Variants in KIF13B observed in about 807,000 individuals in gnomAD.
KIF13B encodes kinesin family member 13B.
A neutral mutation model predicts 222.0 loss-of-function variants in KIF13B; 127 were observed. The ratio of observed to expected loss-of-function variants is 0.57; its 90% confidence interval spans 0.50 to 0.66. KIF13B has a LOEUF of 0.66. KIF13B is among the 30% of genes least tolerant of loss of function. KIF13B has a pLI of 0.00. For missense variants in KIF13B, 2,173 were observed against 2,379.0 expected, an observed-to-expected ratio of 0.91 and a Z score of 1.80; for synonymous variants, 976 against 919.0, an observed-to-expected ratio of 1.06 and a Z score of -1.12.
At chr8:29,104,704 C>T (rs570652593) in intron 35 of KIF13B, among the ~76,000 whole-genome samples, 2 of 152,222 alleles carry the variant, frequency 1.3e-5, no homozygotes, top group South Asian at 4.1e-4. Flanking sequence ...GGCCCCGCCT[C>T]TCTGGGTTCT....
intron 37 of KIF13B, among the ~76,000 whole-genome samples, chr8:29,090,143 T>C (rs955331013): frequency 1.3e-5 from 2 of 152,098 alleles, no homozygotes; most frequent in African/African-American, 4.8e-5. Context: ...TTAGTACTGG[T>C]GAGCGAATAA....
chr8:29,224,203 C>T lies in KIF13B; in HGVS notation c.149+21143G>A, dbSNP rs1434536060. 2.6e-5 allele frequency among the ~76,000 whole-genome samples: 4 copies of T among 151,192 alleles called. No individual in the cohort carries two copies. The East Asian group carries it at 7.8e-4, about 29-fold the overall frequency. On this transcript the variant is annotated intron_variant, in intron 2 of 39. Coordinates refer to ENST00000524189, the MANE Select transcript of KIF13B (RefSeq NM_015254.4). ...TTTTTTTAGTAGAGATGGGGTTTCA[C>T]CGTGTTAGCCAGGATGGTCTCGATC...
At chr8:29,221,043 G>A (rs1015680702) in intron 2 of KIF13B, among the ~76,000 whole-genome samples, 5 of 151,324 alleles carry the variant, frequency 3.3e-5, no homozygotes, top group Non-Finnish European at 7.4e-5. Context: ...TCAAGAGGCT[G>A]CTGTGGGAGG....
intron 2 of KIF13B, 45 bp from the exon 3 acceptor site, chr8:29,196,244 T>TA (rs34237413): frequency 3.0e-3 from 3,706 of 1,230,160 alleles, no homozygotes; most frequent in East Asian, 0.029. Flanking sequence ...AAAGAAAAGT[T>TA]AAAAAAAAAA....
chr8:29,237,017 C>G lies in KIF13B; in HGVS notation c.149+8329G>C, dbSNP rs149603164. On this transcript the variant is annotated intron_variant, in intron 2 of 39. Transcript: ENST00000524189. ...TAAGGATTGGTAAAGATTAACCTAA[C>G]TCTCAGCTTGATACTTGGCACACTG... 4.2e-3 allele frequency among the ~76,000 whole-genome samples: 637 copies of G among 152,194 alleles called. 8 individuals are homozygous for G. Among genetic ancestry groups the G allele is most frequent in the African/African-American group, 0.015 (611 of 41,554 alleles).
At chr8:29,206,219 G>T (rs1483696241) in intron 2 of KIF13B, among the ~76,000 whole-genome samples, 6 of 152,186 alleles carry the variant, frequency 3.9e-5, no homozygotes, top group African/African-American at 1.4e-4. Flanking sequence ...GAGCCCAGGA[G>T]TTCCAGACCA....
chr8:29,185,344 A>G (rs1418337571), intron 6 of KIF13B, among the ~76,000 whole-genome samples: 1 of 152,138 alleles, frequency 6.6e-6, no homozygotes, highest in Non-Finnish European at 1.5e-5. Context: ...AATTTGTAGG[A>G]GCCTCCTTCA....
At chr8:29,161,205 G>A (rs1000184311) in intron 12 of KIF13B, among the ~76,000 whole-genome samples, 1 of 151,948 alleles carries the variant, frequency 6.6e-6, no homozygotes, top group African/African-American at 2.4e-5. Context: ...TCCTCAACCG[G>A]GATCCTTCTT....
intron 10 of KIF13B, among the ~76,000 whole-genome samples, chr8:29,173,956 A>C (rs961180404): frequency 5.3e-5 from 8 of 151,974 alleles, no homozygotes; most frequent in Non-Finnish European, 1.2e-4. Context: ...AAAAAAAAAA[A>C]AACTCATTTG....
chr8:29,106,501 G>A (rs1429093458), intron 35 of KIF13B, among the ~76,000 whole-genome samples: 3 of 151,864 alleles, frequency 2.0e-5, no homozygotes, highest in Non-Finnish European at 2.9e-5. Context: ...GCGTGGTGGC[G>A]AGTGCCTGCA....
intron 2 of KIF13B, among the ~76,000 whole-genome samples, chr8:29,204,454 T>C (rs978290301): frequency 3.3e-5 from 5 of 152,160 alleles, no homozygotes; most frequent in Non-Finnish European, 7.4e-5. Context: ...GGTGTGGGCC[T>C]GCAGTCCAGC....
intron 12 of KIF13B, among the ~76,000 whole-genome samples, chr8:29,163,943 T>C (rs1375683944): frequency 6.6e-6 from 1 of 152,198 alleles, no homozygotes; most frequent in Non-Finnish European, 1.5e-5. Flanking sequence ...TTATAATTTA[T>C]AAAAAACACA....
chr8:29,087,057 C>T (rs13254608), intron 37 of KIF13B, among the ~76,000 whole-genome samples: 2 of 152,334 alleles, frequency 1.3e-5, no homozygotes, highest in South Asian at 2.1e-4. Flanking sequence ...GTCCAGCCAC[C>T]GTCATCAACA....
chr8:29,239,705 C>T (rs773748771), intron 2 of KIF13B, among the ~76,000 whole-genome samples: 1 of 152,176 alleles, frequency 6.6e-6, no homozygotes, highest in Non-Finnish European at 1.5e-5. Flanking sequence ...CTCTATCGCC[C>T]AAGTTGGAGT....
In KIF13B at chr8:29,127,115, A is replaced by G. The variant is rs1427660001; in HGVS notation, c.3222+7T>C. On this transcript the variant is annotated splice_region_variant and intron_variant, in intron 25 of 39. Coordinates refer to ENST00000524189, the MANE Select transcript of KIF13B (RefSeq NM_015254.4). ...TCAAGAAGAACATAACAGGTATAGA[A>G]ACTTACATGGAAGGTCTCATGTGTT... The G allele has an allele frequency of 1.2e-6, 2 of 1,613,058 alleles. No homozygotes were observed.
Position 29,130,682 on chromosome 8 carries a change from GT to G in KIF13B, c.2943-18del. On this transcript the variant is annotated intron_variant, in intron 23 of 39. Transcript: ENST00000524189. Reference sequence around the variant, plus strand: ...TCACTCCATCTAGGAAATAAGCGAAGTTCTTGGAAAATCATACATTTCTATT... The same window carrying G: ...TCACTCCATCTAGGAAATAAGCGAAGTCTTGGAAAATCATACATTTCTATT... 6.2e-7 allele frequency: 1 copy of G among 1,613,286 alleles called. No individual in the cohort carries two copies. The highest frequency in any genetic ancestry group is 8.5e-7 in the Non-Finnish European group (1 of 1,179,446).
At chr8:29,078,170 C>T (rs1265706336) in intron 37 of KIF13B, among the ~76,000 whole-genome samples, 2 of 145,156 alleles carry the variant, frequency 1.4e-5, no homozygotes, top group African/African-American at 2.6e-5. Flanking sequence ...TGGCAGATGC[C>T]TGTAATCCCA....
chr8:29,199,577 A>G (rs1240584546), intron 2 of KIF13B, among the ~76,000 whole-genome samples: 1 of 11,264 alleles, frequency 8.9e-5, no homozygotes, highest in Non-Finnish European at 6.4e-4. Flanking sequence ...CAAAATCCAA[A>G]AAAAAAAAAA....
chr8:29,180,151 C>T lies in KIF13B; in HGVS notation c.673G>A (p.Val225Ile). 4.3e-6 allele frequency: 7 copies of T among 1,613,986 alleles called. No individual in the cohort carries two copies. The highest frequency in any genetic ancestry group is 5.9e-6 in the Non-Finnish European group (7 of 1,179,862). The stretch of plus-strand genomic sequence containing the variant: ...GTATGTGTGAGGGTGATTTTGAAAA[C>T]TGCATGGGATCGGCTACTCTCCTCG... Reference protein sequence around the residue: ...MNEESSRSHAVFKITLTHTLY... With the variant: ...MNEESSRSHAIFKITLTHTLY... The change falls in exon 8 of 40, where the codon GTT becomes ATT. Residue 225 changes from valine (V) to isoleucine (I), a missense_variant. Transcript: ENST00000524189.
Sources: gnomAD v4.1 joint callset for allele counts (sites outside exome capture counted in the v4.1 genomes callset) on GRCh38, gnomAD v4.1.1 for gene constraint, MANE v1.5 for transcripts, NCBI Gene and HGNC (gene_info 2026-07-23, HGNC 2026-07-21) for gene names.